Variants in AKT2 observed in about 807,000 individuals in gnomAD.
AKT2 encodes the protein AKT serine/threonine kinase 2.
Under a neutral mutation model 58.6 loss-of-function variants are expected in AKT2, and 16 were observed. The observed-to-expected ratio is 0.27, with a 90% CI of 0.18 to 0.41. The LOEUF (loss-of-function observed/expected upper bound fraction) is 0.41. Ranked by LOEUF, AKT2 falls within the 10% of genes least tolerant of loss-of-function variation. AKT2 has a pLI of 1.00. For missense variants in AKT2, 438 were observed against 661.0 expected (o/e 0.66, Z 3.70); for synonymous variants, 253 against 254.0 (o/e 1.00, Z 0.04).
At chr19:40,239,907 G>T in intron 7 of AKT2, 138 bp downstream of exon 7, 1 of 1,061,380 alleles carries the variant, frequency 9.4e-7, no homozygotes. Flanking sequence ...CGGATGACTT[G>T]GCAGGGCGCA....
In AKT2 at chr19:40,242,270, G is replaced by T; in HGVS notation, c.442-201C>A. On this transcript the variant is annotated intron_variant, in intron 5 of 13. Transcript: ENST00000392038. The surrounding 1 kb of genome is among the most constrained non-coding windows in gnomAD (Gnocchi z 4.3). Reference sequence around the variant, plus strand: ...CTCTGCAGGCACAGGGCCTTGGGAGGGCTGGGCTCTGACGTGGGGGTAGCC... The same window carrying T: ...CTCTGCAGGCACAGGGCCTTGGGAGTGCTGGGCTCTGACGTGGGGGTAGCC... 1.1e-6 allele frequency: 1 copy of T among 895,388 alleles called. No homozygotes were observed. The highest frequency in any genetic ancestry group is 1.7e-6 in the Non-Finnish European group (1 of 579,484). The allele number at this position is 895,388 out of a possible 1,614,324, so 55.5% of individuals were successfully genotyped here. A position where few individuals can be genotyped will look rare whatever the true frequency, so the allele number is the denominator to read the frequency against.
chr19:40,276,615 C>T (rs2077330578), intron 1 of AKT2, among the ~76,000 whole-genome samples: 1 of 151,984 alleles, frequency 6.6e-6, no homozygotes, highest in Non-Finnish European at 1.5e-5. Context: ...CCACCCTCCT[C>T]GGCCTCCCAA....
chr19:40,243,001 G>T (rs1421690361), intron 4 of AKT2: 9 of 359,120 alleles, frequency 2.5e-5, no homozygotes, highest in Non-Finnish European at 4.9e-5. Flanking sequence ...ACAAAAATTA[G>T]TCAGGGGTGG....
intron 2 of AKT2, among the ~76,000 whole-genome samples, chr19:40,259,518 G>T (rs763878275): frequency 2.0e-5 from 3 of 152,156 alleles, no homozygotes; most frequent in African/African-American, 4.8e-5. Context: ...TCATTACTTT[G>T]AATTTGGCAA....
At position 40,231,678 on chromosome 19, in the gene AKT2, G is replaced by C. The variant is rs563096363; in HGVS notation, c.*2194C>G. The C allele has an allele frequency of 4.3e-6, 1 of 233,372 alleles. No homozygotes were observed. The highest frequency in any genetic ancestry group is 8.5e-6 in the Non-Finnish European group (1 of 118,216). The allele number at this position is 233,372 out of a possible 1,614,324, so 14.5% of individuals were successfully genotyped here. ...CCTTGCTGGGGGAGGTGTTCCATCC[G>C]GCCAGCGCCCGGCCATGCAGCCACG... On this transcript the variant is annotated 3_prime_UTR_variant, in exon 14 of 14. Transcript: ENST00000392038.
intron 1 of AKT2, chr19:40,274,739 C>T (rs1183930351): frequency 3.3e-5 from 10 of 305,378 alleles, no homozygotes; most frequent in African/African-American, 8.7e-5. Flanking sequence ...AGGGCTGAGG[C>T]GCGTTCGAGG....
At position 40,285,249 on chromosome 19, in the gene AKT2, T is replaced by A. The variant is rs2077494167; in HGVS notation, c.-153A>T. ...CCGCCCATCGCCACGCTGCGCTGGT[T>A]CCCTTTCCTTGTGTTTCCCGGCAGC... On this transcript the variant is annotated 5_prime_UTR_variant, in exon 1 of 14. Transcript: ENST00000392038. 5.1e-6 allele frequency: 2 copies of A among 395,344 alleles called. No individual in the cohort carries two copies. Among genetic ancestry groups the A allele is most frequent in the East Asian group, 7.2e-5 (2 of 27,862 alleles). 24.5% of individuals were successfully genotyped at this position (395,344 alleles called of 1,614,324 possible).
At chr19:40,264,759 T>C (rs971244309) in intron 2 of AKT2, among the ~76,000 whole-genome samples, 1 of 151,598 alleles carries the variant, frequency 6.6e-6, no homozygotes, top group African/African-American at 2.4e-5. Context: ...GTTCCCACTT[T>C]TCACCCCAGC....
chr19:40,246,846 A>G (rs1020556092), intron 4 of AKT2, among the ~76,000 whole-genome samples: 1 of 152,214 alleles, frequency 6.6e-6, no homozygotes, highest in African/African-American at 2.4e-5. Flanking sequence ...CACCTGGACC[A>G]GCTCAGCCCT....
At chr19:40,252,565 C>T (rs958319391) in intron 4 of AKT2, among the ~76,000 whole-genome samples, 1 of 151,006 alleles carries the variant, frequency 6.6e-6, no homozygotes, top group Non-Finnish European at 1.5e-5. Flanking sequence ...TGGGACAAAC[C>T]GCAATTTACT....
At chr19:40,243,014 T>C in intron 4 of AKT2, 2 of 349,120 alleles carry the variant, frequency 5.7e-6, no homozygotes, top group South Asian at 4.7e-5. Context: ...AGGGGTGGCA[T>C]TCGCCTAATC....
chr19:40,270,944 T>C (rs1049265177), intron 1 of AKT2, among the ~76,000 whole-genome samples: 1 of 151,194 alleles, frequency 6.6e-6, no homozygotes, highest in African/African-American at 2.4e-5. Flanking sequence ...GCCCAGGAGG[T>C]TGAGGCTGCA....
Position 40,236,137 on chromosome 19 carries a change from G to A in AKT2, c.961-33C>T, listed in dbSNP as rs570672173. On this transcript the variant is annotated intron_variant, in intron 10 of 13. Transcript: ENST00000392038. ...TGGAGGAGAAATGAGGGCTGGGCCC[G>A]TGGCCCTGAGGCTGGCATCACAGTC... 2.6e-5 allele frequency: 42 copies of A among 1,613,450 alleles called. No individual in the cohort carries two copies. The East Asian group carries it at 4.2e-4, about 16-fold the overall frequency.
In AKT2 at chr19:40,233,964, G is replaced by C; in HGVS notation, c.1367-13C>G. ...CCCAGGCTGTCATCTGTGGGCGGCA[G>C]AGGTGGATGGGGAGGACCAGTCAGG... On this transcript the variant is annotated splice_polypyrimidine_tract_variant and intron_variant, in intron 13 of 13. Coordinates refer to ENST00000392038, the MANE Select transcript of AKT2 (RefSeq NM_001626.6). The surrounding 1 kb of genome is among the most constrained non-coding windows in gnomAD (Gnocchi z 4.3). The C allele has an allele frequency of 8.7e-6, 14 of 1,609,040 alleles. No homozygotes were observed. Among genetic ancestry groups the C allele is most frequent in the Non-Finnish European group, 1.2e-5 (14 of 1,179,710 alleles).
At chr19:40,271,277 A>G (rs1445774363) in intron 1 of AKT2, among the ~76,000 whole-genome samples, 1 of 148,794 alleles carries the variant, frequency 6.7e-6, no homozygotes, top group East Asian at 1.9e-4. Context: ...ATATATATAT[A>G]GTAGTCAGGT....
chr19:40,271,419 C>A (rs1413582166), intron 1 of AKT2, among the ~76,000 whole-genome samples: 8 of 141,502 alleles, frequency 5.7e-5, no homozygotes, highest in Non-Finnish European at 1.1e-4. Context: ...AAAGCCAGAC[C>A]CTGTCTCAAA....
intron 4 of AKT2, chr19:40,243,297 T>G (rs1442944048): frequency 6.4e-6 from 1 of 155,908 alleles, no homozygotes; most frequent in Non-Finnish European, 1.4e-5. Flanking sequence ...ACCCTGAGCC[T>G]TGAATGAGGG....
At position 40,234,286 on chromosome 19, in the gene AKT2, C is replaced by G. The variant is rs1973875096; in HGVS notation, c.1367-335G>C. Among the ~76,000 whole-genome samples the G allele has an allele frequency of 1.3e-5, 2 of 152,154 alleles. No homozygotes were observed. The highest frequency in any genetic ancestry group is 1.3e-4 in the Admixed American group (2 of 15,284). On this transcript the variant is annotated intron_variant, in intron 13 of 13. Transcript: ENST00000392038. This position sits in a 1 kb window ranked among gnomAD's most constrained non-coding sequence, Gnocchi z 4.7. ...GGCCTGCCTCTCGCACCCTCCCATCCATTCTCCACGGGCAGCCAGGGGGGC... is the reference window on the plus strand; with the variant it reads ...GGCCTGCCTCTCGCACCCTCCCATCGATTCTCCACGGGCAGCCAGGGGGGC...
chr19:40,283,883 A>G (rs1026055602), intron 1 of AKT2, among the ~76,000 whole-genome samples: 17 of 152,176 alleles, frequency 1.1e-4, no homozygotes, highest in African/African-American at 3.4e-4. Flanking sequence ...GCCAACTGTT[A>G]CTGCCTTGGT....
Sources: allele counts gnomAD v4.1 joint callset (sites outside exome capture counted in the v4.1 genomes callset), GRCh38; gene constraint gnomAD v4.1.1; non-coding constraint Gnocchi (gnomAD v3.1); transcripts MANE v1.5; gene names NCBI Gene and HGNC (gene_info 2026-07-23, HGNC 2026-07-21).